The following C1orf94 variants were observed in gnomAD, a reference collection of about 807,000 sequenced individuals.
The protein encoded by C1orf94 is chromosome 1 open reading frame 94.
Under a neutral mutation model 53.6 loss-of-function variants are expected in C1orf94, and 45 were observed. The observed-to-expected ratio is 0.84, with a 90% confidence interval of 0.66 to 1.08. The LOEUF (loss-of-function observed/expected upper bound fraction) is 1.08. C1orf94 is among the 50% of genes least tolerant of loss of function. C1orf94 has a pLI of 0.00. For missense variants in C1orf94, 762 were observed against 738.9 expected, an observed-to-expected ratio of 1.03 and a Z score of -0.36; for synonymous variants, 304 against 296.1, an observed-to-expected ratio of 1.03 and a Z score of -0.27.
chr1:34,200,292 C>T (rs941774671), intron 2 of C1orf94, among the ~76,000 whole-genome samples: 7 of 152,068 alleles, frequency 4.6e-5, no homozygotes, highest in African/African-American at 9.7e-5. Flanking sequence ...TCCTTGTTTT[C>T]GCAGCCTGGC....
intron 1 of C1orf94, among the ~76,000 whole-genome samples, chr1:34,179,823 G>T (rs1308711954): frequency 2.0e-5 from 3 of 152,228 alleles, no homozygotes; most frequent in Non-Finnish European, 4.4e-5. Context: ...AGGGGTCACT[G>T]TGGAGTCAAG....
At chr1:34,200,468 G>C (rs1314780766) in intron 2 of C1orf94, among the ~76,000 whole-genome samples, 2 of 152,180 alleles carry the variant, frequency 1.3e-5, no homozygotes, top group Non-Finnish European at 2.9e-5. Context: ...TCAGACAAAT[G>C]GATGGACAGA....
intron 1 of C1orf94, among the ~76,000 whole-genome samples, chr1:34,168,930 G>A (rs369962418): frequency 5.9e-5 from 9 of 152,226 alleles, no homozygotes; most frequent in Non-Finnish European, 8.8e-5. Context: ...AGGAGGAGAT[G>A]ACTTTTCAGA....
Position 34,200,685 on chromosome 1 carries a change from A to G in C1orf94, c.1010-87A>G, listed in dbSNP as rs1642689029. On this transcript the variant is annotated intron_variant, in intron 2 of 6. Coordinates refer to ENST00000488417, the MANE Select transcript of C1orf94 (RefSeq NM_001134734.2). ...AAGCCTCAGGTGTGTGCTGCAGAGG[A>G]TTCATCATTTAGTCCACAAAAAGGT... 5.2e-6 allele frequency: 8 copies of G among 1,545,632 alleles called. No individual in the cohort carries two copies. The Admixed American group carries it at 9.1e-5, about 18-fold the overall frequency.
chr1:34,176,554 C>T (rs1169461005), upstream of C1orf94, among the ~76,000 whole-genome samples: 1 of 152,184 alleles, frequency 6.6e-6, no homozygotes, highest in East Asian at 1.9e-4. Context: ...GTCTGAGTCT[C>T]AGCTTCCCTT....
At chr1:34,198,001 A>T in intron 2 of C1orf94, 88 bp downstream of exon 2, 1 of 1,331,266 alleles carries the variant, frequency 7.5e-7, no homozygotes, top group African/African-American at 1.5e-5. Flanking sequence ...ATGTACATAA[A>T]GCATCTTCAT....
chr1:34,210,284 G>T (rs1642868086), intron 5 of C1orf94, among the ~76,000 whole-genome samples: 1 of 152,186 alleles, frequency 6.6e-6, no homozygotes, highest in African/African-American at 2.4e-5. Flanking sequence ...GGTGCTCTTG[G>T]CATGTTCTGA....
intron 1 of C1orf94, among the ~76,000 whole-genome samples, chr1:34,191,331 TG>T (rs564604145): frequency 1.3e-5 from 2 of 152,198 alleles, no homozygotes; most frequent in Non-Finnish European, 2.9e-5. Flanking sequence ...AAATAAATAA[TG>T]AGCCCTTCTT....
At chr1:34,178,751 A>G (rs570479653) in intron 1 of C1orf94, among the ~76,000 whole-genome samples, 28 of 151,248 alleles carry the variant, frequency 1.9e-4, no homozygotes, top group African/African-American at 6.9e-4. Context: ...TTGGGCAGAT[A>G]TTGTTGAGGA....
chr1:34,210,779 C>A (rs961169057), intron 5 of C1orf94, among the ~76,000 whole-genome samples: 2 of 152,000 alleles, frequency 1.3e-5, no homozygotes, highest in Non-Finnish European at 2.9e-5. Flanking sequence ...CTCAGCCTCC[C>A]GAGTAGCTGG....
intron 1 of C1orf94, among the ~76,000 whole-genome samples, chr1:34,192,232 C>G (rs1677753): frequency 0.34 from 51,953 of 152,074 alleles, 10,763 homozygotes; most frequent in African/African-American, 0.59. Flanking sequence ...GCAAAGTGGT[C>G]GGGTGCCCAC....
chr1:34,170,460 G>C (rs34770980), intron 1 of C1orf94, among the ~76,000 whole-genome samples: 42,621 of 152,024 alleles, frequency 0.28, 6,628 homozygotes, highest in Middle Eastern at 0.39. Context: ...GAGTGGGCCA[G>C]CTCAGGGAGG....
At chr1:34,169,323 G>A (rs955371011) in intron 1 of C1orf94, among the ~76,000 whole-genome samples, 2 of 152,060 alleles carry the variant, frequency 1.3e-5, no homozygotes. Flanking sequence ...AGCCCCAAGT[G>A]CTGGCTCCCT....
At chr1:34,218,120 C>T (rs1186009541) in intron 6 of C1orf94, among the ~76,000 whole-genome samples, 1 of 152,138 alleles carries the variant, frequency 6.6e-6, no homozygotes, top group East Asian at 1.9e-4. Flanking sequence ...ACCCTTCCTT[C>T]CCTGAGGGTC....
intron 1 of C1orf94, among the ~76,000 whole-genome samples, chr1:34,193,914 T>C (rs1642538988): frequency 6.6e-6 from 1 of 152,180 alleles, no homozygotes; most frequent in African/African-American, 2.4e-5. Flanking sequence ...GCCAGCTTTC[T>C]AAGAGCCTCA....
In C1orf94 at chr1:34,218,293, G is replaced by A. The variant is rs142418360; in HGVS notation, c.1722-393G>A. On this transcript the variant is annotated intron_variant, in intron 6 of 6. Coordinates refer to ENST00000488417, the MANE Select transcript of C1orf94 (RefSeq NM_001134734.2). ...ACTTGCCTCTAAGTTCTCTGATGTT[G>A]TAGATTTTCCTGAGGGACATGTCTG... 6.6e-5 allele frequency among the ~76,000 whole-genome samples: 10 copies of A among 152,270 alleles called. No individual in the cohort carries two copies. In the East Asian group the frequency reaches 1.9e-3, roughly 29 times the overall value.
chr1:34,172,645 A>T (rs1206344309), upstream of C1orf94, among the ~76,000 whole-genome samples: 1 of 152,180 alleles, frequency 6.6e-6, no homozygotes, highest in Non-Finnish European at 1.5e-5. Flanking sequence ...GTAAGGGAAA[A>T]ACCCCCAAGA....
chr1:34,204,055 C>T (rs1642754780), intron 4 of C1orf94, among the ~76,000 whole-genome samples: 1 of 152,158 alleles, frequency 6.6e-6, no homozygotes, highest in Non-Finnish European at 1.5e-5. Context: ...AATTTGCTGC[C>T]CCAGCCTGGC....
chr1:34,207,181 C>A (rs1430013106), intron 4 of C1orf94, among the ~76,000 whole-genome samples: 1 of 151,964 alleles, frequency 6.6e-6, no homozygotes, highest in East Asian at 1.9e-4. Flanking sequence ...TGAGCCTCAT[C>A]TTAAGGGAAA....
Sources: gnomAD v4.1 joint callset for allele counts (sites outside exome capture counted in the v4.1 genomes callset) on GRCh38, gnomAD v4.1.1 for gene constraint, MANE v1.5 for transcripts, NCBI Gene and HGNC (gene_info 2026-07-23, HGNC 2026-07-21) for gene names.